RIF1: variants seen among roughly 807,000 people sequenced by gnomAD.
RIF1 encodes the protein replication timing regulatory factor 1, also known as telomere-associated protein RIF1.
RIF1 carries 45 observed loss-of-function variants against 247.1 expected under a neutral mutation model. The observed-to-expected ratio is 0.18, with a 90% CI of 0.14 to 0.23. The LOEUF is 0.23. Ranked by LOEUF, RIF1 falls within the 10% of genes least tolerant of loss-of-function variation. The pLI is 1.00. For missense variants in RIF1, 2,967 were observed against 2,862.5 expected (o/e 1.04, Z -0.83); for synonymous variants, 1,087 against 978.8 (o/e 1.11, Z -2.06).
At chr2:151,504,924 A>T (rs927371728) in intron 12 of RIF1, among the ~76,000 whole-genome samples, 3 of 152,068 alleles carry the variant, frequency 2.0e-5, no homozygotes, top group African/African-American at 7.2e-5. Context: ...GTACCACTGC[A>T]TTTACTAGAT....
At chr2:151,486,142 T>C (rs2050161352), downstream of RIF1, 3 of 533,406 alleles carry the variant, frequency 5.6e-6, no homozygotes, top group Admixed American at 3.2e-5. Flanking sequence ...CCAGAACATA[T>C]GACGAACTCC....
Position 151,465,884 on chromosome 2 carries a change from G to A in RIF1, c.6364G>A (p.Glu2122Lys), listed in dbSNP as rs983400665. ...TCACCATACTTCACAGAAAGTGGAG[G>A]AACCATCACAGTGTCTGGCATCTGG... The part of the protein sequence containing the change: ...EDHHTSQKVE[E>K]PSQCLASGTA... Residue 2122 changes from glutamate to lysine, a missense_variant, in exon 30 of 36, where the codon GAA (glutamate) becomes AAA (lysine). Coordinates refer to ENST00000444746, the MANE Select transcript of RIF1 (RefSeq NM_018151.5). The A allele has an allele frequency of 6.2e-7, 1 of 1,613,676 alleles. No individual in the cohort carries two copies. The highest frequency in any genetic ancestry group is 1.3e-5 in the African/African-American group (1 of 75,034).
chr2:151,492,585 G>T, intron 9 of RIF1: 1 of 943,846 alleles, frequency 1.1e-6, no homozygotes, highest in Non-Finnish European at 1.6e-6. Flanking sequence ...AGGAGCTGGT[G>T]AGGGACGCTT....
chr2:151,419,154 T>A (rs1687737798), intron 6 of RIF1, among the ~76,000 whole-genome samples: 1 of 152,026 alleles, frequency 6.6e-6, no homozygotes, highest in African/African-American at 2.4e-5. Flanking sequence ...GATGCTACCT[T>A]CTGGAGTATC....
chr2:151,497,465 T>G, intron 10 of RIF1: 5 of 982,926 alleles, frequency 5.1e-6, no homozygotes, highest in Non-Finnish European at 6.0e-6. Context: ...GGGAATGGTG[T>G]TAGGCTAGAA....
chr2:151,410,599 G>A, intron 2 of RIF1, 72 bp downstream of exon 2: 1 of 1,231,228 alleles, frequency 8.1e-7, no homozygotes, highest in Non-Finnish European at 1.2e-6. Flanking sequence ...GGTTGGGAGG[G>A]GCGCGTAGAA....
intron 3 of RIF1, 45 bp downstream of exon 3, chr2:151,411,383 G>GTT (rs147405197): frequency 0.026 from 27,351 of 1,035,370 alleles, 1 homozygote; most frequent in Non-Finnish European, 0.031. Flanking sequence ...TGGTAGTTTG[G>GTT]TTTTTTTTTT....
intron 8 of RIF1, 119 bp from the exon 9 acceptor site, chr2:151,428,665 C>G: frequency 1.4e-6 from 1 of 725,104 alleles, no homozygotes; most frequent in Non-Finnish European, 2.4e-6. Context: ...TGTCTTTTGT[C>G]TCCCCATTAG....
rs117045382 is a variant in RIF1 at position 151,458,753 on chromosome 2, A to G, written c.2856-58A>G. On this transcript the variant is annotated intron_variant, in intron 24 of 35. Transcript: ENST00000444746. Reference sequence around the variant, plus strand: ...ATTAAAGTGCTGTTGTTAACAGATCATCAGTGTTCACCAGTACTACTTGAC... The same window carrying G: ...ATTAAAGTGCTGTTGTTAACAGATCGTCAGTGTTCACCAGTACTACTTGAC... 2.7e-3 allele frequency: 2,372 copies of G among 894,782 alleles called. 64 individuals are homozygous for G. The East Asian group carries it at 0.054, about 20-fold the overall frequency. The allele number at this position is 894,782 out of a possible 1,614,324, so 55.4% of individuals were successfully genotyped here.
Position 151,441,936 on chromosome 2 carries a change from C to T in RIF1, c.1679C>T (p.Pro560Leu). 1 of 1,567,716 alleles carries T rather than the reference C, an allele frequency of 6.4e-7. No individual in the cohort carries two copies. The highest frequency in any genetic ancestry group is 8.7e-7 in the Non-Finnish European group (1 of 1,150,350). ...VLMEITIKGLPQKVLGSPAYQ... is the reference protein window; with the variant it reads ...VLMEITIKGLLQKVLGSPAYQ... ...ATGGAAATTACAATTAAAGGACTTC[C>T]TCAGAAAGTATTAGGTTCACCAGCA... Residue 560 changes from proline (P) to leucine (L), a missense_variant, in exon 16 of 36, where the codon CCT becomes CTT. Physicochemically the swap from Pro to Leu is moderately conservative, Grantham distance 98. This residue lies in a region of RIF1 where 369 missense variants were observed against 322.0 expected (regional missense o/e 1.15). Coordinates refer to ENST00000444746, the MANE Select transcript of RIF1 (RefSeq NM_018151.5).
intron 8 of RIF1, among the ~76,000 whole-genome samples, chr2:151,426,169 T>TTTTTTTC: frequency 2.7e-5 from 1 of 37,000 alleles, no homozygotes; most frequent in Non-Finnish European, 5.9e-5. Flanking sequence ...TGGCTTTTAA[T>TTTTTTTC]TTTTTTTTTT....
In RIF1 at chr2:151,410,561, G is replaced by A. The variant is rs1175385158; in HGVS notation, c.104+34G>A. ...CGCCACGGGGCGTAGCGGAGAGTGG[G>A]GCGCTCTATAGTGGGGAGAAAGAAG... On this transcript the variant is annotated intron_variant, in intron 2 of 35. Transcript: ENST00000444746. 3.9e-6 allele frequency: 6 copies of A among 1,531,184 alleles called. No homozygotes were observed. The South Asian group carries it at 6.8e-5, about 17-fold the overall frequency. The allele number at this position is 1,531,184 out of a possible 1,614,324, so 94.8% of individuals were successfully genotyped here. A position where few individuals can be genotyped will look rare whatever the true frequency, so the allele number is the denominator to read the frequency against.
At chr2:151,424,745 T>G (rs1366451356) in intron 8 of RIF1, among the ~76,000 whole-genome samples, 3 of 150,596 alleles carry the variant, frequency 2.0e-5, no homozygotes, top group Admixed American at 6.6e-5. Flanking sequence ...CCTCGCTCAC[T>G]GCAACCTCTG....
intron 8 of RIF1, among the ~76,000 whole-genome samples, chr2:151,425,898 C>T (rs905423357): frequency 6.6e-6 from 1 of 151,244 alleles, no homozygotes; most frequent in Non-Finnish European, 1.5e-5. Flanking sequence ...AGGCTGGTCT[C>T]GAACTTCTGA....
At chr2:151,514,864 G>A in the RIF1 span, 11 of 1,588,106 alleles carry the variant, frequency 6.9e-6, no homozygotes, top group East Asian at 9.0e-5. Context: ...CAAAGCTGGC[G>A]TGACCTCCAG....
In RIF1 at chr2:151,458,906, A is replaced by G; in HGVS notation, c.2951A>G (p.Asp984Gly). Residue 984 changes from aspartate (D) to glycine (G), a missense_variant, in exon 25 of 36, where the codon GAT becomes GGT. Around this residue, in one of 7 missense-constraint regions of RIF1, gnomAD observed 2,028 missense variants for 1,825.6 expected, o/e 1.11. Transcript: ENST00000444746. ...GAGGAATCCAGTGGACCATATTCTG[A>G]TGGAGTAAGTTGGGGGGTTTTATTG... Reference protein sequence around the residue: ...MMEESSGPYSDGTENSQLNVK... With the variant: ...MMEESSGPYSGGTENSQLNVK... 2 of 1,579,062 alleles carry G rather than the reference A, an allele frequency of 1.3e-6. No homozygotes were observed. The highest frequency in any genetic ancestry group is 1.7e-6 in the Non-Finnish European group (2 of 1,152,576).
At chr2:151,528,140 C>G in the RIF1 span, among the ~76,000 whole-genome samples, 7 of 152,204 alleles carry the variant, frequency 4.6e-5, no homozygotes, top group East Asian at 1.2e-3. Context: ...GAATTTAAAC[C>G]CAGGCAGTCT....
At chr2:151,437,575 C>A (rs560729928) in intron 13 of RIF1, among the ~76,000 whole-genome samples, 1 of 152,064 alleles carries the variant, frequency 6.6e-6, no homozygotes, top group Non-Finnish European at 1.5e-5. Flanking sequence ...CCTGTAGTCC[C>A]AGCTACTCGG....
chr2:151,422,907 T>C (rs1366050951), intron 7 of RIF1, 43 bp from the exon 8 acceptor site: 3 of 1,041,360 alleles, frequency 2.9e-6, no homozygotes, highest in Non-Finnish European at 4.4e-6. Context: ...TGGATTTTTT[T>C]TTCTAAGAGT....
Sources: allele counts gnomAD v4.1 joint callset (sites outside exome capture counted in the v4.1 genomes callset), GRCh38; gene constraint gnomAD v4.1.1; regional missense constraint gnomAD v4.1.1; transcripts MANE v1.5; gene names NCBI Gene and HGNC (gene_info 2026-07-23, HGNC 2026-07-21).